The following TMEM108 variants were observed in gnomAD, a reference collection of about 807,000 sequenced individuals.
The protein encoded by TMEM108 is cancer/testis antigen 124.
TMEM108 carries 12 observed loss-of-function variants against 35.1 expected under a neutral mutation model. That is an observed-to-expected ratio of 0.34 (90% confidence interval 0.22 to 0.55). TMEM108 has a LOEUF of 0.55. TMEM108 is among the 20% of genes least tolerant of loss of function. TMEM108 has a pLI of 0.89. For synonymous variants in TMEM108, 287 were observed against 308.6 expected, an observed-to-expected ratio of 0.93 and a Z score of 0.73; for missense variants, 680 against 753.3, an observed-to-expected ratio of 0.90 and a Z score of 1.14.
At chr3:133,041,371 C>T (rs144153573) in intron 1 of TMEM108, among the ~76,000 whole-genome samples, 1 of 152,080 alleles carries the variant, frequency 6.6e-6, no homozygotes, top group African/African-American at 2.4e-5. Context: ...CATGTCACCC[C>T]CCAGGGCTCC....
intron 3 of TMEM108, among the ~76,000 whole-genome samples, chr3:133,341,161 G>A (rs1407896000): frequency 6.6e-6 from 1 of 151,624 alleles, no homozygotes; most frequent in East Asian, 1.9e-4. Flanking sequence ...AAACCCTAAA[G>A]ACTCCATACA....
intron 4 of TMEM108, chr3:133,388,917 C>G: frequency 2.7e-5 from 27 of 985,614 alleles, no homozygotes; most frequent in Non-Finnish European, 3.0e-5. Flanking sequence ...CTGCCAACCC[C>G]CGGTGCTGGC....
intron 3 of TMEM108, among the ~76,000 whole-genome samples, chr3:133,253,793 C>T (rs1946505254): frequency 6.6e-6 from 1 of 152,148 alleles, no homozygotes; most frequent in African/African-American, 2.4e-5. Context: ...GGCTGACAGC[C>T]ATCTTCAAAA....
intron 3 of TMEM108, 152 bp downstream of exon 3, chr3:133,229,503 G>A (rs1946120425): frequency 1.7e-6 from 1 of 589,414 alleles, no homozygotes; most frequent in South Asian, 2.8e-5. Flanking sequence ...GAAGTATCAA[G>A]CGTTAAGTCA....
intron 3 of TMEM108, among the ~76,000 whole-genome samples, chr3:133,313,969 A>G (rs1021929121): frequency 5.3e-5 from 8 of 152,058 alleles, no homozygotes; most frequent in South Asian, 4.1e-4. Flanking sequence ...GCTGCTACCA[A>G]TTGGATGACA....
At chr3:133,267,436 G>A (rs1262955700) in intron 3 of TMEM108, among the ~76,000 whole-genome samples, 1 of 152,152 alleles carries the variant, frequency 6.6e-6, no homozygotes, top group Non-Finnish European at 1.5e-5. Context: ...GGATCTCAAA[G>A]GATGAACAGG....
intron 2 of TMEM108, among the ~76,000 whole-genome samples, chr3:133,087,719 T>G (rs532519842): frequency 6.6e-6 from 1 of 152,272 alleles, no homozygotes; most frequent in South Asian, 2.1e-4. Context: ...CTAACAGGGC[T>G]TCGGGTATCT....
At chr3:133,297,290 T>C (rs1008768566) in intron 3 of TMEM108, among the ~76,000 whole-genome samples, 4 of 152,096 alleles carry the variant, frequency 2.6e-5, no homozygotes, top group Admixed American at 2.6e-4. Flanking sequence ...TTAGCAAAAA[T>C]AGATTGTCAG....
At chr3:133,179,586 C>T (rs1945297628) in intron 2 of TMEM108, among the ~76,000 whole-genome samples, 1 of 151,156 alleles carries the variant, frequency 6.6e-6, no homozygotes, top group Non-Finnish European at 1.5e-5. Context: ...TGTTCTCACT[C>T]ATAGGTGGGA....
At chr3:133,358,761 C>T (rs10935058) in intron 3 of TMEM108, among the ~76,000 whole-genome samples, 49,124 of 152,056 alleles carry the variant, frequency 0.32, 8,624 homozygotes, top group East Asian at 0.48. Flanking sequence ...CTCCCCTAAC[C>T]CACAGCTACT....
intron 3 of TMEM108, among the ~76,000 whole-genome samples, chr3:133,365,468 G>A (rs754795494): frequency 4.6e-5 from 7 of 152,148 alleles, no homozygotes; most frequent in South Asian, 2.1e-4. Context: ...ATATTTATGC[G>A]TACCTGGGTT....
intron 2 of TMEM108, among the ~76,000 whole-genome samples, chr3:133,083,703 G>A (rs1284857696): frequency 6.6e-6 from 1 of 152,038 alleles, no homozygotes; most frequent in Non-Finnish European, 1.5e-5. Context: ...AAAGACAATG[G>A]TATTTCTGTT....
At chr3:133,349,876 G>A (rs761567140) in intron 3 of TMEM108, among the ~76,000 whole-genome samples, 3 of 152,088 alleles carry the variant, frequency 2.0e-5, no homozygotes, top group Non-Finnish European at 2.9e-5. Flanking sequence ...CAGTATGGAA[G>A]TTCCTCAAAA....
chr3:133,059,104 G>C (rs1943506729), intron 2 of TMEM108, among the ~76,000 whole-genome samples: 1 of 152,188 alleles, frequency 6.6e-6, no homozygotes, highest in South Asian at 2.1e-4. Context: ...CAGCGGACTG[G>C]CTTTCTGGCT....
chr3:133,350,310 G>A (rs1012696355), intron 3 of TMEM108, among the ~76,000 whole-genome samples: 3 of 152,208 alleles, frequency 2.0e-5, no homozygotes, highest in South Asian at 2.1e-4. Flanking sequence ...GGGAGAGGAT[G>A]GTTAATAGGT....
intron 3 of TMEM108, among the ~76,000 whole-genome samples, chr3:133,243,928 A>G (rs1946349144): frequency 6.6e-6 from 1 of 152,170 alleles, no homozygotes; most frequent in South Asian, 2.1e-4. Flanking sequence ...AAGGTTTCCC[A>G]GGAATAACTG....
Position 133,117,967 on chromosome 3 carries a change from C to G in TMEM108, c.-47+71947C>G, listed in dbSNP as rs80036009. Among the ~76,000 whole-genome samples the G allele has an allele frequency of 4.4e-3, 671 of 152,178 alleles. 12 individuals are homozygous for G. Among genetic ancestry groups the G allele is most frequent in the East Asian group, 0.031 (163 of 5,180 alleles). ...GGGAAGCTGTTTTAAAACTGTCCTT[C>G]TTTAGAATCTATTATGAGGCCTTTT... On this transcript the variant is annotated intron_variant, in intron 2 of 5. Transcript: ENST00000321871.
At position 133,380,012 on chromosome 3, in the gene TMEM108, G is replaced by A. The variant is rs773319249; in HGVS notation, c.301G>A (p.Ala101Thr). ...TCCTACGCACACCATCTCCACCATC[G>A]CTGCGACAGTAACCGCCCCCCATTC... Reference protein sequence around the residue: ...HPPTHTISTIAATVTAPHSES... With the variant: ...HPPTHTISTITATVTAPHSES... Residue 101 changes from alanine to threonine, a missense_variant, in exon 4 of 6, where the codon GCT (alanine) becomes ACT (threonine). This residue lies in a region of TMEM108 where 526 missense variants were observed against 532.1 expected (regional missense o/e 0.99). Coordinates refer to ENST00000321871, the MANE Select transcript of TMEM108 (RefSeq NM_023943.4). This position sits in a 1 kb window ranked among gnomAD's most constrained non-coding sequence, Gnocchi z 5.3. 7.5e-5 allele frequency: 121 copies of A among 1,613,236 alleles called. No homozygotes were observed. The highest frequency in any genetic ancestry group is 9.4e-5 in the Non-Finnish European group (111 of 1,179,842).
At chr3:133,263,837 A>T (rs959082935) in intron 3 of TMEM108, among the ~76,000 whole-genome samples, 2 of 152,234 alleles carry the variant, frequency 1.3e-5, no homozygotes, top group African/African-American at 2.4e-5. Flanking sequence ...CATCCAGTTC[A>T]GAAATAATTG....
Sources: allele counts gnomAD v4.1 joint callset (sites outside exome capture counted in the v4.1 genomes callset), GRCh38; gene constraint gnomAD v4.1.1; regional missense constraint gnomAD v4.1.1; non-coding constraint Gnocchi (gnomAD v3.1); transcripts MANE v1.5; gene names NCBI Gene and HGNC (gene_info 2026-07-23, HGNC 2026-07-21).